LRBA: variants seen among roughly 807,000 people sequenced by gnomAD.
The protein encoded by LRBA is lipopolysaccharide-responsive and beige-like anchor protein.
In LRBA, 176 loss-of-function variants were observed where a neutral mutation model predicts 330.0. The observed-to-expected ratio is 0.53, with a 90% CI of 0.47 to 0.60. LRBA has a LOEUF of 0.60. LRBA is among the 20% of genes least tolerant of loss of function. The pLI is 0.00. For missense variants in LRBA, 3,259 were observed against 3,444.8 expected (o/e 0.95, Z 1.35); for synonymous variants, 1,230 against 1,193.0 (o/e 1.03, Z -0.64).
intron 47 of LRBA, among the ~76,000 whole-genome samples, chr4:150,413,947 G>C (rs1330860957): frequency 1.4e-5 from 1 of 69,922 alleles, no homozygotes; most frequent in Non-Finnish European, 3.6e-5. Context: ...TTCAGAGCAA[G>C]TTTAGTCTTC....
At chr4:150,950,718 A>G (rs546109428) in intron 2 of LRBA, among the ~76,000 whole-genome samples, 3 of 152,300 alleles carry the variant, frequency 2.0e-5, no homozygotes, top group Non-Finnish European at 4.4e-5. Context: ...ACTGTAATAG[A>G]CAATGTTGTT....
At chr4:150,422,984 A>G (rs1268073099) in intron 46 of LRBA, 4 of 781,426 alleles carry the variant, frequency 5.1e-6, no homozygotes, top group East Asian at 4.9e-5. Context: ...TTCTGGTCCA[A>G]TGGTGTATAA....
chr4:150,538,340 T>C (rs185871367), intron 40 of LRBA, among the ~76,000 whole-genome samples: 2 of 152,320 alleles, frequency 1.3e-5, no homozygotes, highest in African/African-American at 2.4e-5. Flanking sequence ...TGCACTGGTA[T>C]GTTTATTGCA....
intron 2 of LRBA, among the ~76,000 whole-genome samples, chr4:151,002,425 T>A (rs895747978): frequency 6.6e-6 from 1 of 151,106 alleles, no homozygotes; most frequent in African/African-American, 2.4e-5. Context: ...ATTAGCTGTG[T>A]GTGGTGGTGG....
Position 150,905,976 on chromosome 4 carries a change from A to G in LRBA, c.1617T>C (p.His539=), listed in dbSNP as rs1233186186. 1 of 1,613,410 alleles carries G rather than the reference A, an allele frequency of 6.2e-7. No homozygotes were observed. Among genetic ancestry groups the G allele is most frequent in the Non-Finnish European group, 8.5e-7 (1 of 1,179,662 alleles). The change falls in exon 13 of 57, where the codon CAT becomes CAC. Residue 539 remains histidine, a synonymous_variant. Coordinates refer to ENST00000651943, the MANE Select transcript of LRBA (RefSeq NM_001364905.1). ...GYSLEKSSKS[H]VSRAVLELCL... is the part of the protein sequence containing the mutation. The stretch of plus-strand genomic sequence containing the variant: ...AAAGTTCAAGTACTGCTCTGCTAAC[A>G]TGAGATTTGGAAGACTGCAAAAAAA...
At chr4:150,481,739 T>C (rs1161684075) in intron 42 of LRBA, among the ~76,000 whole-genome samples, 1 of 152,166 alleles carries the variant, frequency 6.6e-6, no homozygotes, top group Non-Finnish European at 1.5e-5. Flanking sequence ...TCCATGTTGT[T>C]GCATGTACCA....
intron 44 of LRBA, among the ~76,000 whole-genome samples, chr4:150,438,618 A>G (rs892284310): frequency 1.3e-5 from 2 of 152,196 alleles, no homozygotes; most frequent in Admixed American, 6.5e-5. Context: ...ATATCTGATT[A>G]TTTGTGGAGA....
chr4:150,900,099 T>C lies in LRBA; in HGVS notation c.1874A>G (p.Tyr625Cys), dbSNP rs1490822051. Residue 625 changes from tyrosine to cysteine, a missense_variant, in exon 14 of 57, where the codon TAC (tyrosine) becomes TGC (cysteine). Transcript: ENST00000651943. ...LLIMHTLKYY[Y>C]WAVNPQDRSG... ...TCGATCCTGAGGATTCACTGCCCAGTAGTAGTACTTCAGCGTGTGCATGAT... is the reference window on the plus strand; with the variant it reads ...TCGATCCTGAGGATTCACTGCCCAGCAGTAGTACTTCAGCGTGTGCATGAT... 18 of 1,613,536 alleles carry C rather than the reference T, an allele frequency of 1.1e-5. No homozygotes were observed. The highest frequency in any genetic ancestry group is 1.4e-5 in the Non-Finnish European group (16 of 1,179,508).
chr4:150,725,440 A>G (rs967331130), intron 36 of LRBA, among the ~76,000 whole-genome samples: 1 of 152,210 alleles, frequency 6.6e-6, no homozygotes, highest in Admixed American at 6.5e-5. Flanking sequence ...ACATATTTAA[A>G]GTGCTGAAAG....
chr4:150,641,210 A>G (rs1778648033), intron 37 of LRBA, among the ~76,000 whole-genome samples: 1 of 152,188 alleles, frequency 6.6e-6, no homozygotes. Flanking sequence ...ATAATTAATT[A>G]TATGCTTAAC....
intron 36 of LRBA, among the ~76,000 whole-genome samples, chr4:150,732,983 G>C (rs1305576529): frequency 6.6e-6 from 1 of 151,844 alleles, no homozygotes; most frequent in Non-Finnish European, 1.5e-5. Flanking sequence ...CAAATTGTAG[G>C]ACTACATTAA....
chr4:150,265,398 G>GAAAT lies in LRBA; in HGVS notation c.*320_*323dup, dbSNP rs548100237. On this transcript the variant is annotated 3_prime_UTR_variant, in exon 57 of 57. Transcript: ENST00000651943. ...ATTTCTCAAGCTTGTAGATGCATGG[G>GAAAT]AAATGTTCTTCATAATATTATAGCT... is the stretch of plus-strand genomic sequence containing the variant. 1.6e-4 allele frequency: 30 copies of GAAAT among 193,442 alleles called. No individual in the cohort carries two copies. Among genetic ancestry groups the GAAAT allele is most frequent in the African/African-American group, 6.0e-4 (26 of 43,176 alleles). The allele number at this position is 193,442 out of a possible 1,614,324, so 12.0% of individuals were successfully genotyped here.
At chr4:150,415,235 A>G (rs1747566068) in intron 47 of LRBA, among the ~76,000 whole-genome samples, 1 of 152,200 alleles carries the variant, frequency 6.6e-6, no homozygotes, top group South Asian at 2.1e-4. Context: ...CTTCTGCATA[A>G]AAGAAACTAT....
intron 2 of LRBA, among the ~76,000 whole-genome samples, chr4:150,971,913 G>C (rs1322804348): frequency 2.0e-5 from 3 of 152,142 alleles, no homozygotes; most frequent in Non-Finnish European, 4.4e-5. Context: ...AATTAATGTA[G>C]TATATTAGCC....
At chr4:150,576,235 T>A (rs927681498) in intron 40 of LRBA, among the ~76,000 whole-genome samples, 7 of 151,524 alleles carry the variant, frequency 4.6e-5, no homozygotes, top group East Asian at 1.9e-4. Flanking sequence ...AGAAAATTTT[T>A]AAAAATTTTG....
At chr4:150,666,441 G>A (rs1460229700) in intron 37 of LRBA, among the ~76,000 whole-genome samples, 2 of 152,056 alleles carry the variant, frequency 1.3e-5, no homozygotes, top group Non-Finnish European at 2.9e-5. Context: ...GAACCTGGGA[G>A]GTGGAGGTTG....
At chr4:150,721,412 A>G in intron 36 of LRBA, 1 of 305,988 alleles carries the variant, frequency 3.3e-6, no homozygotes, top group Non-Finnish European at 6.3e-6. Flanking sequence ...TCAAAGTTAT[A>G]ACATATTCAG....
intron 48 of LRBA, among the ~76,000 whole-genome samples, chr4:150,328,972 AC>A (rs1459678804): frequency 2.6e-5 from 4 of 152,200 alleles, no homozygotes; most frequent in African/African-American, 9.7e-5. Context: ...GGATGAGACA[AC>A]TTCTGAAAAT....
At chr4:150,804,656 T>C (rs1011956428) in intron 33 of LRBA, among the ~76,000 whole-genome samples, 8 of 152,210 alleles carry the variant, frequency 5.3e-5, no homozygotes, top group African/African-American at 4.8e-5. Flanking sequence ...GTCATTCCCA[T>C]GATTTTTCAG....
Sources: gnomAD v4.1 joint callset for allele counts (sites outside exome capture counted in the v4.1 genomes callset) on GRCh38, gnomAD v4.1.1 for gene constraint, MANE v1.5 for transcripts, NCBI Gene and HGNC (gene_info 2026-07-23, HGNC 2026-07-21) for gene names.